The following KIF9 variants were observed in gnomAD, a reference collection of about 807,000 sequenced individuals.
The protein encoded by KIF9 is kinesin family member 9, also known as kinesin-like protein KIF9.
A neutral mutation model predicts 94.8 loss-of-function variants in KIF9; 68 were observed. That is an observed-to-expected ratio of 0.72 (90% CI 0.59 to 0.88). The LOEUF is 0.88. KIF9 is among the 40% of genes least tolerant of loss of function. KIF9 has a pLI of 0.00. For synonymous variants in KIF9, 343 were observed against 362.1 expected, an observed-to-expected ratio of 0.95 and a Z score of 0.60; for missense variants, 882 against 982.5, an observed-to-expected ratio of 0.90 and a Z score of 1.37.
At chr3:47,271,748 T>C (rs1701661654) in intron 4 of KIF9, among the ~76,000 whole-genome samples, 1 of 152,186 alleles carries the variant, frequency 6.6e-6, no homozygotes, top group South Asian at 2.1e-4. Context: ...TTCAAATCTA[T>C]TTAATTCCAT....
intron 2 of KIF9, among the ~76,000 whole-genome samples, chr3:47,276,644 C>A (rs1056687806): frequency 2.0e-5 from 3 of 151,920 alleles, no homozygotes; most frequent in Admixed American, 6.6e-5. Flanking sequence ...TCGCTGAAAA[C>A]CATGTCCAGC....
intron 2 of KIF9, among the ~76,000 whole-genome samples, chr3:47,276,257 T>C (rs1701957397): frequency 6.6e-6 from 1 of 151,978 alleles, no homozygotes. Context: ...AAAATTAAGA[T>C]GAAGAAAGAC....
chr3:47,258,781 G>A (rs1238344506), intron 9 of KIF9, among the ~76,000 whole-genome samples: 1 of 152,210 alleles, frequency 6.6e-6, no homozygotes, highest in Non-Finnish European at 1.5e-5. Context: ...TGTACAGCCT[G>A]TGGAACCATG....
At chr3:47,233,361 CAA>C (rs966425803) in intron 20 of KIF9, among the ~76,000 whole-genome samples, 76 of 26,308 alleles carry the variant, frequency 2.9e-3, no homozygotes, top group African/African-American at 9.5e-3. Flanking sequence ...GACTCTGTCT[CAA>C]AAAAAAAAAA....
chr3:47,250,035 C>A (rs930202954), intron 10 of KIF9, among the ~76,000 whole-genome samples: 1 of 151,254 alleles, frequency 6.6e-6, no homozygotes, highest in Non-Finnish European at 1.5e-5. Flanking sequence ...AGCAATAGAG[C>A]GAGTCACTGT....
At chr3:47,263,189 G>A (rs904051709) in intron 9 of KIF9, among the ~76,000 whole-genome samples, 4 of 152,134 alleles carry the variant, frequency 2.6e-5, no homozygotes, top group Admixed American at 1.3e-4. Context: ...GAACCACCAC[G>A]CCCGGCCCCT....
At chr3:47,259,357 C>T (rs76749058) in intron 9 of KIF9, among the ~76,000 whole-genome samples, 4,959 of 152,298 alleles carry the variant, frequency 0.033, 235 homozygotes, top group East Asian at 0.13. Flanking sequence ...GCTGCCAAGC[C>T]ACAAGGCCAT....
intron 17 of KIF9, chr3:47,240,019 G>T (rs1473246238): frequency 9.3e-7 from 1 of 1,080,848 alleles, no homozygotes; most frequent in Non-Finnish European, 1.3e-6. Flanking sequence ...TGCAGGTCCT[G>T]GGCCCTGCTC....
chr3:47,247,306 T>G (rs546298858), intron 12 of KIF9, 67 bp downstream of exon 12: 24 of 1,023,284 alleles, frequency 2.3e-5, no homozygotes, highest in Admixed American at 6.9e-5. Flanking sequence ...AGAGCATGCG[T>G]TGGGGTGTGC....
chr3:47,259,098 G>A (rs993107761), intron 9 of KIF9, among the ~76,000 whole-genome samples: 3 of 152,140 alleles, frequency 2.0e-5, no homozygotes, highest in African/African-American at 7.2e-5. Context: ...CAGCAGTCTG[G>A]GTGGGAATGG....
intron 20 of KIF9, among the ~76,000 whole-genome samples, chr3:47,234,877 A>G (rs969901575): frequency 2.0e-5 from 3 of 152,202 alleles, no homozygotes; most frequent in Non-Finnish European, 2.9e-5. Flanking sequence ...TGCTTTCTTA[A>G]TGTTTGAAAC....
intron 15 of KIF9, 132 bp from the exon 16 acceptor site, chr3:47,243,377 C>G (rs981729003): frequency 7.7e-6 from 5 of 652,060 alleles, no homozygotes; most frequent in Non-Finnish European, 1.2e-5. Context: ...TGTTCATATG[C>G]CTAGGTAAAA....
intron 1 of KIF9, chr3:47,280,858 A>G: frequency 1.4e-6 from 1 of 700,684 alleles, no homozygotes; most frequent in Non-Finnish European, 2.6e-6. Context: ...CACCTGCAAT[A>G]AAGTCTTCCT....
At chr3:47,261,947 A>G (rs1701001514) in intron 9 of KIF9, among the ~76,000 whole-genome samples, 2 of 152,212 alleles carry the variant, frequency 1.3e-5, no homozygotes, top group Non-Finnish European at 2.9e-5. Context: ...TGATGAGAAT[A>G]GTTTTAAAGT....
intron 4 of KIF9, among the ~76,000 whole-genome samples, chr3:47,272,842 C>A (rs1195424488): frequency 6.6e-6 from 1 of 152,086 alleles, no homozygotes; most frequent in Non-Finnish European, 1.5e-5. Flanking sequence ...GGTATTGCTC[C>A]AAAAACAGGA....
At chr3:47,276,365 G>A (rs1701965284) in intron 2 of KIF9, among the ~76,000 whole-genome samples, 1 of 152,002 alleles carries the variant, frequency 6.6e-6, no homozygotes, top group Admixed American at 6.6e-5. Flanking sequence ...AGACCAGCCT[G>A]GCCAACATGG....
chr3:47,255,790 C>T (rs1042451131), intron 10 of KIF9, among the ~76,000 whole-genome samples: 7 of 152,192 alleles, frequency 4.6e-5, no homozygotes, highest in African/African-American at 1.7e-4. Context: ...TCTCTTTCCA[C>T]GGTCTCCCTC....
chr3:47,264,236 C>A (rs1433921826), intron 9 of KIF9, 50 bp downstream of exon 9: 1 of 1,414,554 alleles, frequency 7.1e-7, no homozygotes, highest in African/African-American at 1.4e-5. Context: ...CCTGCCCTGG[C>A]ACCCATGAAG....
At chr3:47,281,140 G>A in intron 1 of KIF9, 3 of 658,246 alleles carry the variant, frequency 4.6e-6, no homozygotes, top group Non-Finnish European at 8.3e-6. Context: ...TGATGGTAAT[G>A]GCTGGAAGTC....
Sources: allele counts gnomAD v4.1 joint callset (sites outside exome capture counted in the v4.1 genomes callset), GRCh38; gene constraint gnomAD v4.1.1; transcripts MANE v1.5; gene names NCBI Gene and HGNC (gene_info 2026-07-23, HGNC 2026-07-21).